The following ZMIZ2 variants were observed in gnomAD, a reference collection of about 807,000 sequenced individuals.
The protein encoded by ZMIZ2 is zinc finger MIZ domain-containing protein 2.
ZMIZ2 carries 26 observed loss-of-function variants against 93.9 expected under a neutral mutation model. The observed-to-expected ratio is 0.28, with a 90% CI of 0.20 to 0.38. The LOEUF (loss-of-function observed/expected upper bound fraction) is 0.38, where lower values mean the gene tolerates loss of function less well. Among genes scored for constraint, ZMIZ2 ranks in the 10% least tolerant of loss-of-function variants. The probability of loss-of-function intolerance (pLI) is 1.00; values close to 1 mark genes in which losing one functional copy is unlikely to be tolerated. For missense variants in ZMIZ2, 1,023 were observed against 1,235.0 expected (o/e 0.83, Z 2.57); for synonymous variants, 485 against 516.4 (o/e 0.94, Z 0.82).
Position 44,761,332 on chromosome 7 carries a change from C to A in ZMIZ2, c.1241-117C>A, listed in dbSNP as rs1791153064. The A allele has an allele frequency of 2.0e-6, 3 of 1,482,990 alleles. No homozygotes were observed. The South Asian group carries it at 4.0e-5, about 20-fold the overall frequency. The allele number at this position is 1,482,990 out of a possible 1,614,324, so 91.9% of individuals were successfully genotyped here. A position where few individuals can be genotyped will look rare whatever the true frequency, so the allele number is the denominator to read the frequency against. On this transcript the variant is annotated intron_variant, in intron 9 of 18. Transcript: ENST00000309315. The surrounding 1 kb of genome is among the most constrained non-coding windows in gnomAD (Gnocchi z 5.8). ...GCCAAGCAGTGCCTGACAGGAGGGG[C>A]TCCCTTCACCAAGGTCCCTGCGGGG... is the stretch of plus-strand genomic sequence containing the variant.
rs780858787 is a variant in ZMIZ2 at position 44,758,084 on chromosome 7, G to A, written c.789G>A (p.Gln263=). Residue 263 remains glutamine (Q), a synonymous_variant, in exon 6 of 19, where the codon CAG becomes CAA. Coordinates refer to ENST00000309315, the MANE Select transcript of ZMIZ2 (RefSeq NM_031449.4). ...GPPQAQPLPR[Q]GVKRTYSEVY... is the part of the protein sequence containing the mutation. ...CCCAGGCCCAGCCACTGCCCCGACAGGGGGTCAAGAGAACCTACTCTGAGG... is the reference window on the plus strand; with the variant it reads ...CCCAGGCCCAGCCACTGCCCCGACAAGGGGTCAAGAGAACCTACTCTGAGG... The A allele has an allele frequency of 1.3e-6, 2 of 1,582,426 alleles. No individual in the cohort carries two copies. The highest frequency in any genetic ancestry group is 1.7e-6 in the Non-Finnish European group (2 of 1,166,612).
chr7:44,752,463 G>A (rs1790237712), intron 1 of ZMIZ2, among the ~76,000 whole-genome samples: 3 of 151,934 alleles, frequency 2.0e-5, no homozygotes, highest in South Asian at 2.1e-4. Context: ...TTATATTCAC[G>A]CCCACCTTCC....
intron 3 of ZMIZ2, 60 bp downstream of exon 3, chr7:44,756,599 C>G: frequency 6.5e-7 from 1 of 1,544,262 alleles, no homozygotes. Flanking sequence ...CTTGGCAGTG[C>G]TTAGTGCCTC....
At chr7:44,754,857 G>A (rs1360656966) in intron 1 of ZMIZ2, among the ~76,000 whole-genome samples, 2 of 152,228 alleles carry the variant, frequency 1.3e-5, no homozygotes, top group African/African-American at 4.8e-5. Flanking sequence ...GGCCTCTCCT[G>A]TGCTGCAGCC....
At position 44,765,310 on chromosome 7, in the gene ZMIZ2, C is replaced by T; in HGVS notation, c.1998-25C>T. On this transcript the variant is annotated intron_variant, in intron 15 of 18. Coordinates refer to ENST00000309315, the MANE Select transcript of ZMIZ2 (RefSeq NM_031449.4). This position sits in a 1 kb window ranked among gnomAD's most constrained non-coding sequence, Gnocchi z 4.1. ...GGGCCAGCAGCAGGCCAGGAGGTAA[C>T]CATTCCCCACCTGTCCCTGCCCAGC... is the stretch of plus-strand genomic sequence containing the variant. 2 of 1,608,468 alleles carry T rather than the reference C, an allele frequency of 1.2e-6. No homozygotes were observed. Among genetic ancestry groups the T allele is most frequent in the Non-Finnish European group, 1.7e-6 (2 of 1,176,738 alleles).
At position 44,758,118 on chromosome 7, in the gene ZMIZ2, C is replaced by T; in HGVS notation, c.813+10C>T. 6.5e-7 allele frequency: 1 copy of T among 1,528,400 alleles called. No individual in the cohort carries two copies. Among genetic ancestry groups the T allele is most frequent in the East Asian group, 2.3e-5 (1 of 43,104 alleles). 94.7% of individuals were successfully genotyped at this position (1,528,400 alleles called of 1,614,324 possible). Reference sequence around the variant, plus strand: ...GAGAACCTACTCTGAGGTGAGTGTCCAGGTCACCTAGTTTGGGGCCTTGGG... The same window carrying T: ...GAGAACCTACTCTGAGGTGAGTGTCTAGGTCACCTAGTTTGGGGCCTTGGG... On this transcript the variant is annotated intron_variant, in intron 6 of 18. Coordinates refer to ENST00000309315, the MANE Select transcript of ZMIZ2 (RefSeq NM_031449.4).
intron 3 of ZMIZ2, 84 bp from the exon 4 acceptor site, chr7:44,756,863 C>T: frequency 6.5e-7 from 1 of 1,528,070 alleles, no homozygotes; most frequent in Non-Finnish European, 9.0e-7. Context: ...ACTTGCCAGG[C>T]CTGTTGGTTT....
rs886679537 is a variant in ZMIZ2 at position 44,765,367 on chromosome 7, C to T, written c.2030C>T (p.Thr677Met). 4.3e-6 allele frequency: 7 copies of T among 1,613,584 alleles called. No individual in the cohort carries two copies. The highest frequency in any genetic ancestry group is 2.7e-5 in the African/African-American group (2 of 75,040). ...SDYEEITIDP[T>M]CSWKPVPVKP... ...TATGAGGAGATCACCATCGACCCCA[C>T]GTGCAGCTGGAAGCCAGTGCCCGTG... The change falls in exon 16 of 19, where the codon ACG (threonine) becomes ATG (methionine). Residue 677 changes from threonine (T) to methionine (M), a missense_variant. Around this residue, in one of 3 missense-constraint regions of ZMIZ2, gnomAD observed 319 missense variants for 358.8 expected, o/e 0.89. Transcript: ENST00000309315. This position sits in a 1 kb window ranked among gnomAD's most constrained non-coding sequence, Gnocchi z 4.1.
intron 3 of ZMIZ2, 33 bp downstream of exon 3, chr7:44,756,572 G>T (rs1790611005): frequency 6.2e-7 from 1 of 1,609,458 alleles, no homozygotes. Context: ...CCCCCGAGCA[G>T]ACAGAGCCTC....
At position 44,768,795 on chromosome 7, in the gene ZMIZ2, C is replaced by T. The variant is rs1583670378; in HGVS notation, c.*1172C>T. The T allele has an allele frequency of 6.6e-6, 1 of 152,190 alleles. No homozygotes were observed. The highest frequency in any genetic ancestry group is 2.4e-5 in the African/African-American group (1 of 41,450). The allele number at this position is 152,190 out of a possible 1,614,324, so 9.4% of individuals were successfully genotyped here. A position where few individuals can be genotyped will look rare whatever the true frequency, so the allele number is the denominator to read the frequency against. On this transcript the variant is annotated 3_prime_UTR_variant, in exon 19 of 19. Coordinates refer to ENST00000309315, the MANE Select transcript of ZMIZ2 (RefSeq NM_031449.4). ...TGTGCCTGCAAAGCTTGTGCAGGAC[C>T]TGGGGGCCAGGTCGACCTTCAAGTG...
Position 44,765,798 on chromosome 7 carries a change from C to A in ZMIZ2, c.2242+219C>A. On this transcript the variant is annotated intron_variant, in intron 16 of 18. Coordinates refer to ENST00000309315, the MANE Select transcript of ZMIZ2 (RefSeq NM_031449.4). The surrounding 1 kb of genome is among the most constrained non-coding windows in gnomAD (Gnocchi z 4.1). ...CTCAGCTATGGTCCCAGGAAACAGA[C>A]AGTGGGGCCTCCACCCTTCCTTCCC... 1.0e-6 allele frequency: 1 copy of A among 995,916 alleles called. No homozygotes were observed. Among genetic ancestry groups the A allele is most frequent in the Non-Finnish European group, 1.4e-6 (1 of 701,656 alleles). 61.7% of individuals were successfully genotyped at this position (995,916 alleles called of 1,614,324 possible).
In ZMIZ2 at chr7:44,766,363, C is replaced by G. The variant is rs1274370198; in HGVS notation, c.2412+30C>G. 1 of 1,607,054 alleles carries G rather than the reference C, an allele frequency of 6.2e-7. No individual in the cohort carries two copies. The highest frequency in any genetic ancestry group is 1.1e-5 in the South Asian group (1 of 90,634). On this transcript the variant is annotated intron_variant, in intron 17 of 18. Transcript: ENST00000309315. This position sits in a 1 kb window ranked among gnomAD's most constrained non-coding sequence, Gnocchi z 4.4. ...GTGCCAAGCCGAGAGGCCAAGGGGC[C>G]CTGTCTCCCCAGGGGAGCCCCTGAG...
chr7:44,751,493 G>T (rs183180565), intron 1 of ZMIZ2, among the ~76,000 whole-genome samples: 2 of 152,164 alleles, frequency 1.3e-5, no homozygotes. Flanking sequence ...CTTTGACCAC[G>T]GGCGGGGGAG....
Position 44,756,986 on chromosome 7 carries a change from G to A in ZMIZ2, c.205G>A (p.Gly69Ser), listed in dbSNP as rs1356393176. The part of the protein sequence containing the change: ...NPMGPAGSPS[G>S]SSMMPGVAGG... ...CATGGGCCCTGCAGGGAGTCCCTCT[G>A]GCAGCTCCATGATGCCTGGTGTGGC... is the stretch of plus-strand genomic sequence containing the variant. Residue 69 changes from glycine (G) to serine (S), a missense_variant, in exon 4 of 19, where the codon GGC (glycine) becomes AGC (serine). Transcript: ENST00000309315. 3.1e-6 allele frequency: 5 copies of A among 1,612,716 alleles called. No individual in the cohort carries two copies. The highest frequency in any genetic ancestry group is 4.2e-6 in the Non-Finnish European group (5 of 1,179,522).
chr7:44,763,214 T>C lies in ZMIZ2; in HGVS notation c.1703-42T>C, dbSNP rs748960624. 11 of 1,601,396 alleles carry C rather than the reference T, an allele frequency of 6.9e-6. No individual in the cohort carries two copies. In the East Asian group the frequency reaches 1.3e-4, roughly 20 times the overall value. ...GCATCCCCATTCACACCTCCCCATC[T>C]TGGGGACCCTTTACTCAAGTCCTTT... is the stretch of plus-strand genomic sequence containing the variant. On this transcript the variant is annotated intron_variant, in intron 12 of 18. Coordinates refer to ENST00000309315, the MANE Select transcript of ZMIZ2 (RefSeq NM_031449.4). The surrounding 1 kb of genome is among the most constrained non-coding windows in gnomAD (Gnocchi z 5.6).
At chr7:44,764,785 C>T (rs931523505) in intron 14 of ZMIZ2, among the ~76,000 whole-genome samples, 156 bp from the exon 15 acceptor site, 4 of 152,228 alleles carry the variant, frequency 2.6e-5, no homozygotes, top group Non-Finnish European at 5.9e-5. Context: ...TGTCACCTCA[C>T]ATAGGGTCAG....
Position 44,761,849 on chromosome 7 carries a change from C to T in ZMIZ2, c.1540C>T (p.His514Tyr). The change falls in exon 11 of 19, where the codon CAT becomes TAT. Residue 514 changes from histidine (H) to tyrosine (Y), a missense_variant. This residue lies in a region of ZMIZ2 where 656 missense variants were observed against 777.1 expected (regional missense o/e 0.84). Transcript: ENST00000309315. The surrounding 1 kb of genome is among the most constrained non-coding windows in gnomAD (Gnocchi z 5.8). ...KTSHKPLYLK[H>Y]VCQPGRNTIQ... ...CTCGCACAAGCCACTCTACCTGAAG[C>T]ATGTGTGCCAGCCAGGCCGCAACAC... 6.2e-7 allele frequency: 1 copy of T among 1,614,072 alleles called. No homozygotes were observed.
In ZMIZ2 at chr7:44,758,117, C is replaced by A. The variant is rs1186001751; in HGVS notation, c.813+9C>A. The A allele has an allele frequency of 2.6e-6, 4 of 1,530,012 alleles. No homozygotes were observed. The highest frequency in any genetic ancestry group is 2.0e-4 in the Middle Eastern group (1 of 5,014). 94.8% of individuals were successfully genotyped at this position (1,530,012 alleles called of 1,614,324 possible). ...AGAGAACCTACTCTGAGGTGAGTGT[C>A]CAGGTCACCTAGTTTGGGGCCTTGG... is the stretch of plus-strand genomic sequence containing the variant. On this transcript the variant is annotated intron_variant, in intron 6 of 18. Coordinates refer to ENST00000309315, the MANE Select transcript of ZMIZ2 (RefSeq NM_031449.4).
chr7:44,762,435 T>A, intron 11 of ZMIZ2, among the ~76,000 whole-genome samples: 1 of 152,182 alleles, frequency 6.6e-6, no homozygotes, highest in East Asian at 1.9e-4. Context: ...ACATGGCTTA[T>A]GAGTGCACTA....
Sources: gnomAD v4.1 joint callset for allele counts (sites outside exome capture counted in the v4.1 genomes callset) on GRCh38, gnomAD v4.1.1 for gene constraint, gnomAD v4.1.1 regional missense constraint, Gnocchi (gnomAD v3.1) non-coding constraint, MANE v1.5 for transcripts, NCBI Gene and HGNC (gene_info 2026-07-23, HGNC 2026-07-21) for gene names.